The following CHN2 variants were observed in gnomAD, a reference collection of about 807,000 sequenced individuals.
CHN2 encodes beta-chimaerin.
A neutral mutation model predicts 56.3 loss-of-function variants in CHN2; 35 were observed. That is an observed-to-expected ratio of 0.62 (90% CI 0.47 to 0.82). The LOEUF is 0.82. Among genes scored for constraint, CHN2 ranks in the 40% least tolerant of loss-of-function variants. The pLI, the probability that CHN2 is intolerant of heterozygous loss-of-function variation, is 0.00. For missense variants in CHN2, 491 were observed against 580.5 expected (o/e 0.85, Z 1.58); for synonymous variants, 210 against 212.8 (o/e 0.99, Z 0.12).
chr7:29,486,484 C>T (rs1026791685), intron 7 of CHN2, among the ~76,000 whole-genome samples: 2 of 152,138 alleles, frequency 1.3e-5, no homozygotes, highest in African/African-American at 2.4e-5. Context: ...CCCCATTTGC[C>T]AGGGATGGTG....
chr7:29,161,219 G>C lies in CHN2; in HGVS notation c.274+14259G>C, dbSNP rs568281433. On this transcript the variant is annotated intron_variant, in intron 2 of 6. Coordinates refer to the CHN2 transcript ENST00000439384. Reference sequence around the variant, plus strand: ...ACCAGGCTCATGTCTTAGCACATGAGGGTTTGTGCAGGGAAACTGAAGCAA... The same window carrying C: ...ACCAGGCTCATGTCTTAGCACATGACGGTTTGTGCAGGGAAACTGAAGCAA... 3.3e-5 allele frequency among the ~76,000 whole-genome samples: 5 copies of C among 152,240 alleles called. No individual in the cohort carries two copies. The South Asian group carries it at 1.0e-3, about 32-fold the overall frequency.
intron 6 of CHN2, among the ~76,000 whole-genome samples, chr7:29,461,615 G>C (rs545690481): frequency 6.6e-6 from 1 of 152,232 alleles, no homozygotes; most frequent in African/African-American, 2.4e-5. Flanking sequence ...CAGTAATGAT[G>C]AACAGCAAAG....
rs368297859 is a variant in CHN2, at chr7:29,293,918, C to G, written c.50-60707C>G. On this transcript the variant is annotated intron_variant, in intron 1 of 12. Transcript: ENST00000222792. ...GTCTCGCTGTGTCGCCCAGGCTGGA[C>G]TGCAGCGGCGCGATCTCGGCTCACT... 7.2e-3 allele frequency among the ~76,000 whole-genome samples: 894 copies of G among 124,898 alleles called. 17 individuals are homozygous for G. Among genetic ancestry groups the G allele is most frequent in the Middle Eastern group, 0.038 (6 of 158 alleles). The allele number at this position is 124,898 out of a possible 152,430, so 81.9% of individuals were successfully genotyped here.
intron 1 of CHN2, among the ~76,000 whole-genome samples, chr7:29,348,203 C>G (rs1797610534): frequency 6.6e-6 from 1 of 152,166 alleles, no homozygotes; most frequent in Non-Finnish European, 1.5e-5. Context: ...TAGTCTTTCT[C>G]AGACATGGAG....
intron 1 of CHN2, among the ~76,000 whole-genome samples, chr7:29,328,749 G>A (rs1324628126): frequency 6.6e-6 from 1 of 151,720 alleles, no homozygotes; most frequent in Non-Finnish European, 1.5e-5. Context: ...TCGAGTCTCA[G>A]GTAAACACGG....
chr7:29,216,600 C>T (rs1443878869), intron 1 of CHN2, among the ~76,000 whole-genome samples: 1 of 152,198 alleles, frequency 6.6e-6, no homozygotes, highest in African/African-American at 2.4e-5. Context: ...TCTTCTCTCT[C>T]CCCAGCCTCT....
chr7:29,450,969 C>T (rs937281423), intron 6 of CHN2, among the ~76,000 whole-genome samples: 1 of 152,064 alleles, frequency 6.6e-6, no homozygotes, highest in African/African-American at 2.4e-5. Context: ...TAGGGTTTCA[C>T]CATCTTGGCC....
In CHN2 at chr7:29,276,154, A is replaced by G. The variant is rs1010345247; in HGVS notation, c.50-78471A>G. Among the ~76,000 whole-genome samples the G allele has an allele frequency of 5.1e-5, 5 of 98,668 alleles. No homozygotes were observed. In the East Asian group the frequency reaches 4.6e-3, roughly 91 times the overall value. 64.7% of individuals were successfully genotyped at this position (98,668 alleles called of 152,430 possible). A position where few individuals can be genotyped will look rare whatever the true frequency, so the allele number is the denominator to read the frequency against. On this transcript the variant is annotated intron_variant, in intron 1 of 12. Coordinates refer to ENST00000222792, the MANE Select transcript of CHN2 (RefSeq NM_004067.4). ...GAGTAAATCATTGACTTGAGATGGG[A>G]GAGATCAGATGCAAGAGCTTTCCAA...
At chr7:29,426,198 C>A (rs1804847735) in intron 6 of CHN2, among the ~76,000 whole-genome samples, 1 of 101,346 alleles carries the variant, frequency 9.9e-6, no homozygotes, top group Non-Finnish European at 1.8e-5. Flanking sequence ...GATAGCGAGA[C>A]TCTGTCTCAA....
chr7:29,306,177 T>C (rs916720869), intron 1 of CHN2, among the ~76,000 whole-genome samples: 1 of 152,214 alleles, frequency 6.6e-6, no homozygotes, highest in Non-Finnish European at 1.5e-5. Flanking sequence ...ATTTACTCAA[T>C]AGCGCACTGT....
chr7:29,296,086 T>A (rs1793134032), intron 1 of CHN2, among the ~76,000 whole-genome samples: 1 of 25,834 alleles, frequency 3.9e-5, no homozygotes, highest in Admixed American at 3.5e-4. Flanking sequence ...TAATCACCAT[T>A]TTTTTTTTTT....
At chr7:29,394,082 T>C (rs1382618585) in intron 4 of CHN2, among the ~76,000 whole-genome samples, 1 of 152,158 alleles carries the variant, frequency 6.6e-6, no homozygotes, top group African/African-American at 2.4e-5. Context: ...GTACACTGTA[T>C]GTGAGTTCCT....
chr7:29,496,382 G>A (rs10951227), intron 8 of CHN2, among the ~76,000 whole-genome samples: 101,755 of 151,796 alleles, frequency 0.67, 34,458 homozygotes, highest in African/African-American at 0.78. Flanking sequence ...ACCCCATCTT[G>A]CTACAAAAGG....
chr7:29,469,328 A>G (rs10272160), intron 6 of CHN2, among the ~76,000 whole-genome samples: 1 of 151,958 alleles, frequency 6.6e-6, no homozygotes, highest in Non-Finnish European at 1.5e-5. Context: ...TAGCCCCCCT[A>G]CAGTCATCAA....
At chr7:29,263,971 G>A (rs1349164029) in intron 1 of CHN2, among the ~76,000 whole-genome samples, 1 of 118,006 alleles carries the variant, frequency 8.5e-6, no homozygotes, top group Non-Finnish European at 1.7e-5. Flanking sequence ...TCTGGGAGGT[G>A]GGGGGGCAGC....
intron 6 of CHN2, among the ~76,000 whole-genome samples, chr7:29,441,564 A>G (rs1783647368): frequency 6.6e-6 from 1 of 152,250 alleles, no homozygotes; most frequent in South Asian, 2.1e-4. Flanking sequence ...CATATATCTG[A>G]TAAGGCTGTT....
chr7:29,391,514 A>G (rs1801371447), intron 3 of CHN2, among the ~76,000 whole-genome samples: 1 of 152,202 alleles, frequency 6.6e-6, no homozygotes, highest in Non-Finnish European at 1.5e-5. Flanking sequence ...GACGTATTCC[A>G]TGGCCCTCTT....
At chr7:29,454,069 A>G (rs773756939) in intron 6 of CHN2, among the ~76,000 whole-genome samples, 1 of 152,228 alleles carries the variant, frequency 6.6e-6, no homozygotes, top group African/African-American at 2.4e-5. Flanking sequence ...ATAATTGCAT[A>G]ATGTAAATTT....
chr7:29,407,496 C>T (rs535518772), intron 6 of CHN2, among the ~76,000 whole-genome samples: 24 of 152,244 alleles, frequency 1.6e-4, no homozygotes, highest in Admixed American at 5.2e-4. Context: ...GAAAAGATCA[C>T]TTGCATTACA....
Sources: gnomAD v4.1 joint callset for allele counts (sites outside exome capture counted in the v4.1 genomes callset) on GRCh38, gnomAD v4.1.1 for gene constraint, MANE v1.5 for transcripts, NCBI Gene and HGNC (gene_info 2026-07-23, HGNC 2026-07-21) for gene names.